The following CSMD1 variants were observed in gnomAD, a reference collection of about 807,000 sequenced individuals.
CSMD1 encodes CUB and sushi domain-containing protein 1.
CSMD1 carries 213 observed loss-of-function variants against 417.5 expected under a neutral mutation model. That is an observed-to-expected ratio of 0.51 (90% CI 0.46 to 0.57). The LOEUF is 0.57. CSMD1 is among the 20% of genes least tolerant of loss of function. The pLI is 0.00. For synonymous variants in CSMD1, 2,862 were observed against 1,736.8 expected (o/e 1.65, Z -16.11); for missense variants, 6,923 against 4,529.7 (o/e 1.53, Z -15.17).
intron 5 of CSMD1, among the ~76,000 whole-genome samples, chr8:3,881,028 CA>C (rs1036564940): frequency 1.3e-5 from 2 of 151,986 alleles, no homozygotes; most frequent in African/African-American, 4.8e-5. Flanking sequence ...TTTACAATAT[CA>C]ATAAAGCCTC....
chr8:3,546,912 T>A (rs1563141290), intron 10 of CSMD1, among the ~76,000 whole-genome samples: 1 of 152,150 alleles, frequency 6.6e-6, no homozygotes, highest in African/African-American at 2.4e-5. Context: ...CACTGCTGCT[T>A]GAGTTTAGAT....
intron 20 of CSMD1, among the ~76,000 whole-genome samples, chr8:3,360,195 A>T (rs548028128): frequency 6.6e-6 from 1 of 152,216 alleles, no homozygotes; most frequent in Non-Finnish European, 1.5e-5. Flanking sequence ...AGTAGACAAG[A>T]TTTTGTACTA....
chr8:4,038,473 A>G (rs1335718175), intron 3 of CSMD1, among the ~76,000 whole-genome samples: 1 of 152,190 alleles, frequency 6.6e-6, no homozygotes, highest in Non-Finnish European at 1.5e-5. Flanking sequence ...GTTCGAGAAA[A>G]ACTAATTTGA....
intron 1 of CSMD1, among the ~76,000 whole-genome samples, chr8:4,717,340 TATATATACACACAC>T (rs1332764965): frequency 1.2e-5 from 1 of 83,952 alleles, no homozygotes; most frequent in Non-Finnish European, 2.2e-5. Context: ...CACACACACG[TATATATACACACAC>T]ATATATACAC....
intron 14 of CSMD1, among the ~76,000 whole-genome samples, chr8:3,407,698 A>T (rs1812441344): frequency 6.6e-6 from 1 of 152,178 alleles, no homozygotes; most frequent in Non-Finnish European, 1.5e-5. Context: ...AGGAGTGATG[A>T]AGCCACCTAT....
chr8:3,505,848 C>G (rs1420111777), intron 10 of CSMD1, among the ~76,000 whole-genome samples: 6 of 152,076 alleles, frequency 3.9e-5, no homozygotes, highest in East Asian at 1.9e-4. Context: ...TTATCACCAA[C>G]TTGGCTGAAA....
chr8:2,965,707 T>C (rs758518497), intron 59 of CSMD1, 68 bp downstream of exon 59: 149 of 1,422,864 alleles, frequency 1.0e-4, no homozygotes, highest in Non-Finnish European at 1.3e-4. Context: ...CTTGCAAAAT[T>C]AAACAAAGCA....
At chr8:4,427,215 C>G (rs746624226) in intron 2 of CSMD1, among the ~76,000 whole-genome samples, 49 of 152,182 alleles carry the variant, frequency 3.2e-4, no homozygotes, top group Non-Finnish European at 6.0e-4. Flanking sequence ...ATTCCTGAGC[C>G]CAAGAGAGGC....
chr8:4,011,123 TG>T (rs1164952263), intron 4 of CSMD1, among the ~76,000 whole-genome samples: 149 of 152,350 alleles, frequency 9.8e-4, no homozygotes, highest in African/African-American at 3.5e-3. Flanking sequence ...AGATAAATTA[TG>T]TAATCTATAA....
At chr8:4,455,576 C>A (rs75189735) in intron 2 of CSMD1, among the ~76,000 whole-genome samples, 1,896 of 152,176 alleles carry the variant, frequency 0.012, 19 homozygotes, top group Non-Finnish European at 0.018. Context: ...CTTGTGAGAT[C>A]AAATTGACAA....
chr8:3,971,876 C>G, intron 5 of CSMD1, among the ~76,000 whole-genome samples: 1 of 151,994 alleles, frequency 6.6e-6, no homozygotes, highest in Non-Finnish European at 1.5e-5. Context: ...GTTTCTGTTT[C>G]TTTGTTGATT....
chr8:3,179,203 C>T (rs942080043), intron 37 of CSMD1, among the ~76,000 whole-genome samples: 4 of 151,842 alleles, frequency 2.6e-5, no homozygotes, highest in African/African-American at 9.7e-5. Flanking sequence ...CCTTGGCCTC[C>T]CAAAGTGCTG....
chr8:4,985,067 T>C lies in CSMD1; in HGVS notation c.85+9265A>G, dbSNP rs141823400. Among the ~76,000 whole-genome samples, 27 of 152,274 alleles carry C rather than the reference T, an allele frequency of 1.8e-4. No homozygotes were observed. The East Asian group carries it at 5.2e-3, about 29-fold the overall frequency. On this transcript the variant is annotated intron_variant, in intron 1 of 69. Transcript: ENST00000635120. ...CAAGATCATGTCCTTTGCAGGGACGTGGGTGGAGCTGGAGGCCATTATCCT... is the reference window on the plus strand; with the variant it reads ...CAAGATCATGTCCTTTGCAGGGACGCGGGTGGAGCTGGAGGCCATTATCCT...
chr8:3,983,592 T>C (rs1485532718), intron 5 of CSMD1, among the ~76,000 whole-genome samples: 1 of 152,212 alleles, frequency 6.6e-6, no homozygotes, highest in Non-Finnish European at 1.5e-5. Flanking sequence ...TCTATTTTAT[T>C]TTTTCATAAA....
rs546665750 is a variant in CSMD1, at chr8:4,145,866, G to C, written c.416-113767C>G. On this transcript the variant is annotated intron_variant, in intron 3 of 69. Transcript: ENST00000635120. Reference sequence around the variant, plus strand: ...AGCCGTTCACACCAGCTTTGAATTTGTTGAGTTTTCAAAATCATGTCTTGC... The same window carrying C: ...AGCCGTTCACACCAGCTTTGAATTTCTTGAGTTTTCAAAATCATGTCTTGC... Among the ~76,000 whole-genome samples, 7 of 151,192 alleles carry C rather than the reference G, an allele frequency of 4.6e-5. 1 individual carries two copies. The highest frequency in any genetic ancestry group is 1.7e-4 in the African/African-American group (7 of 40,538).
chr8:4,287,625 T>C (rs919632668), intron 3 of CSMD1, among the ~76,000 whole-genome samples: 1 of 151,430 alleles, frequency 6.6e-6, no homozygotes, highest in Non-Finnish European at 1.5e-5. Context: ...ATAACCTTAA[T>C]TAAATGCTGG....
At chr8:4,041,655 C>G (rs763327039) in intron 3 of CSMD1, among the ~76,000 whole-genome samples, 2 of 152,070 alleles carry the variant, frequency 1.3e-5, no homozygotes, top group African/African-American at 2.4e-5. Flanking sequence ...AAAACTCAAT[C>G]AATGAAAAGT....
At chr8:4,746,044 T>A (rs1254567201) in intron 1 of CSMD1, among the ~76,000 whole-genome samples, 1 of 152,250 alleles carries the variant, frequency 6.6e-6, no homozygotes, top group Non-Finnish European at 1.5e-5. Context: ...AATTGAGTTT[T>A]TATTAAGATA....
intron 2 of CSMD1, among the ~76,000 whole-genome samples, chr8:4,572,605 T>C (rs1278926444): frequency 6.6e-6 from 1 of 152,160 alleles, no homozygotes; most frequent in Non-Finnish European, 1.5e-5. Flanking sequence ...TTGGGGTTGC[T>C]CTTCTCAAGG....
Sources: gnomAD v4.1 joint callset for allele counts (sites outside exome capture counted in the v4.1 genomes callset) on GRCh38, gnomAD v4.1.1 for gene constraint, MANE v1.5 for transcripts, NCBI Gene and HGNC (gene_info 2026-07-23, HGNC 2026-07-21) for gene names.